MTREX: variants seen among roughly 807,000 people sequenced by gnomAD.
MTREX encodes Mtr4 exosome RNA helicase, also known as exosome RNA helicase MTR4.
MTREX carries 76 observed loss-of-function variants against 135.4 expected under a neutral mutation model. That is an observed-to-expected ratio of 0.56 (90% confidence interval 0.47 to 0.68). MTREX has a LOEUF of 0.68. Among genes scored for constraint, MTREX ranks in the 30% least tolerant of loss-of-function variants. MTREX has a pLI of 0.00. For missense variants in MTREX, 920 were observed against 1,262.1 expected (o/e 0.73, Z 4.11); for synonymous variants, 404 against 401.6 (o/e 1.01, Z -0.07).
chr5:55,397,088 T>G (rs1033863375), intron 19 of MTREX, among the ~76,000 whole-genome samples: 13 of 152,242 alleles, frequency 8.5e-5, no homozygotes, highest in African/African-American at 3.1e-4. Flanking sequence ...CTATAGTACC[T>G]TTATGTATTA....
intron 6 of MTREX, among the ~76,000 whole-genome samples, chr5:55,341,034 T>G (rs1180113202): frequency 2.0e-5 from 3 of 152,252 alleles, no homozygotes; most frequent in African/African-American, 7.2e-5. Flanking sequence ...ATCTTTGCAT[T>G]TAACCCCAAG....
At chr5:55,384,294 C>T (rs1176401875) in intron 18 of MTREX, among the ~76,000 whole-genome samples, 1 of 152,134 alleles carries the variant, frequency 6.6e-6, no homozygotes, top group African/African-American at 2.4e-5. Flanking sequence ...CTGTTGGGCT[C>T]CTCTAGTAAT....
chr5:55,364,325 T>A (rs538848394), intron 15 of MTREX, among the ~76,000 whole-genome samples: 1 of 152,190 alleles, frequency 6.6e-6, no homozygotes, highest in African/African-American at 2.4e-5. Context: ...TTTACCCTTT[T>A]CTTTAGAAAA....
intron 5 of MTREX, among the ~76,000 whole-genome samples, chr5:55,337,108 G>A (rs189002665): frequency 5.3e-5 from 8 of 151,960 alleles, no homozygotes; most frequent in Non-Finnish European, 8.8e-5. Context: ...TTGGTAAACC[G>A]TGTCTATCTA....
At chr5:55,360,023 ACAAT>A (rs1461771390) in intron 15 of MTREX, among the ~76,000 whole-genome samples, 1 of 152,134 alleles carries the variant, frequency 6.6e-6, no homozygotes, top group Non-Finnish European at 1.5e-5. Flanking sequence ...CACCATCACC[ACAAT>A]CAATTTTAGA....
rs1204870302 is a variant in MTREX, at chr5:55,344,937, C to T, written c.1006-157C>T. 4.0e-5 allele frequency among the ~76,000 whole-genome samples: 6 copies of T among 151,816 alleles called. No homozygotes were observed. The East Asian group carries it at 1.2e-3, about 29-fold the overall frequency. On this transcript the variant is annotated intron_variant, in intron 9 of 26. Transcript: ENST00000230640. ...TCATTTTTTATTCCTTCTTTTTCAC[C>T]TTTTAATACCTCTTACCACAGATCA...
chr5:55,402,830 G>GTGTGTATGTGTATGTA (rs1561209692), intron 21 of MTREX, among the ~76,000 whole-genome samples: 8 of 96,340 alleles, frequency 8.3e-5, no homozygotes, highest in African/African-American at 3.2e-4. Context: ...ATATGTGTGT[G>GTGTGTATGTGTATGTA]TGTGTGTGTG....
chr5:55,411,410 T>C (rs901115902), intron 23 of MTREX, among the ~76,000 whole-genome samples: 1 of 152,180 alleles, frequency 6.6e-6, no homozygotes, highest in African/African-American at 2.4e-5. Flanking sequence ...AGTTTAACTT[T>C]TAAGTAAATT....
chr5:55,396,515 C>T (rs571500946), intron 19 of MTREX, among the ~76,000 whole-genome samples: 197 of 152,202 alleles, frequency 1.3e-3, no homozygotes, highest in Non-Finnish European at 2.3e-3. Context: ...AAAGAAAAAA[C>T]ACCCCACCCC....
intron 18 of MTREX, among the ~76,000 whole-genome samples, chr5:55,387,124 C>T (rs1327481216): frequency 3.3e-5 from 5 of 151,876 alleles, no homozygotes; most frequent in Non-Finnish European, 7.4e-5. Context: ...GTTTTTCTTT[C>T]GTATTGGAAA....
chr5:55,411,129 T>C (rs1750879175), intron 23 of MTREX, among the ~76,000 whole-genome samples: 1 of 152,182 alleles, frequency 6.6e-6, no homozygotes, highest in African/African-American at 2.4e-5. Flanking sequence ...GTTTTTTTCA[T>C]ATGAGTAATT....
chr5:55,367,512 T>C (rs1353477623), intron 16 of MTREX, among the ~76,000 whole-genome samples: 2 of 151,608 alleles, frequency 1.3e-5, no homozygotes, highest in South Asian at 2.1e-4. Flanking sequence ...AGCACATGCC[T>C]ATTAGCCTTG....
intron 11 of MTREX, among the ~76,000 whole-genome samples, chr5:55,348,831 A>G (rs1307384808): frequency 6.6e-6 from 1 of 152,246 alleles, no homozygotes; most frequent in Non-Finnish European, 1.5e-5. Flanking sequence ...ATTATTTGAT[A>G]GACACTGTAC....
At chr5:55,381,655 T>G (rs1314984953) in intron 18 of MTREX, among the ~76,000 whole-genome samples, 1 of 152,204 alleles carries the variant, frequency 6.6e-6, no homozygotes, top group Non-Finnish European at 1.5e-5. Flanking sequence ...TAAGTTTGCT[T>G]AATGGCCTGA....
chr5:55,415,037 CT>C (rs1203110850), intron 24 of MTREX, among the ~76,000 whole-genome samples: 1 of 145,110 alleles, frequency 6.9e-6, no homozygotes, highest in East Asian at 2.0e-4. Flanking sequence ...AAATTTCTCT[CT>C]TACTATTTTC....
intron 15 of MTREX, among the ~76,000 whole-genome samples, chr5:55,362,605 C>T (rs1350174161): frequency 1.3e-5 from 2 of 152,146 alleles, no homozygotes; most frequent in Admixed American, 6.5e-5. Flanking sequence ...AGGTGATCCA[C>T]CCACCTTGGC....
At chr5:55,342,036 G>A (rs747024696) in intron 7 of MTREX, among the ~76,000 whole-genome samples, 9 of 152,056 alleles carry the variant, frequency 5.9e-5, no homozygotes, top group African/African-American at 9.7e-5. Flanking sequence ...CCCCCAAGTA[G>A]CTGGAACTAC....
intron 25 of MTREX, among the ~76,000 whole-genome samples, chr5:55,420,500 T>A (rs1205638459): frequency 6.6e-6 from 1 of 152,194 alleles, no homozygotes; most frequent in Admixed American, 6.5e-5. Context: ...TGGCAAGGTG[T>A]TCCATTGTAA....
intron 7 of MTREX, among the ~76,000 whole-genome samples, chr5:55,343,067 G>A (rs753052174): frequency 1.8e-4 from 27 of 152,108 alleles, no homozygotes; most frequent in South Asian, 6.2e-4. Context: ...GCTCTTGTTA[G>A]GTTGTTTGGA....
Sources: gnomAD v4.1 joint callset for allele counts (sites outside exome capture counted in the v4.1 genomes callset) on GRCh38, gnomAD v4.1.1 for gene constraint, MANE v1.5 for transcripts, NCBI Gene and HGNC (gene_info 2026-07-23, HGNC 2026-07-21) for gene names.